Variants in MCUB observed in about 807,000 individuals in gnomAD.
MCUB encodes the protein mitochondrial calcium uniporter dominant negative subunit beta.
In MCUB, 46 loss-of-function variants were observed where a neutral mutation model predicts 41.4. The ratio of observed to expected loss-of-function variants is 1.11; its 90% confidence interval spans 0.88 to 1.42. The LOEUF is 1.42. Among genes scored for constraint, MCUB ranks in the 40% most tolerant of loss-of-function variants. The probability of loss-of-function intolerance (pLI) is 0.00; values close to 1 mark genes in which losing one functional copy is unlikely to be tolerated. For synonymous variants in MCUB, 148 were observed against 148.2 expected (o/e 1.00, Z 0.01); for missense variants, 403 against 404.9 (o/e 1.00, Z 0.04).
At chr4:109,568,535 CTTCA>C (rs1348620689) in intron 1 of MCUB, among the ~76,000 whole-genome samples, 1 of 152,116 alleles carries the variant, frequency 6.6e-6, no homozygotes, top group Non-Finnish European at 1.5e-5. Flanking sequence ...TACCCCGCTT[CTTCA>C]CCCTCCTGAC....
At chr4:109,659,175 A>G (rs1400107431) in intron 2 of MCUB, 89 bp downstream of exon 2, 1 of 812,840 alleles carries the variant, frequency 1.2e-6, no homozygotes, top group Admixed American at 2.1e-5. Flanking sequence ...AGCAGAATAG[A>G]CTTTTCTTAC....
chr4:109,579,155 T>A (rs976332968), intron 1 of MCUB, among the ~76,000 whole-genome samples: 3 of 152,238 alleles, frequency 2.0e-5, no homozygotes, highest in African/African-American at 4.8e-5. Context: ...GTTTTGTACT[T>A]TAAAATGCAT....
At chr4:109,633,390 C>T (rs904909137) in intron 1 of MCUB, among the ~76,000 whole-genome samples, 3 of 151,896 alleles carry the variant, frequency 2.0e-5, no homozygotes, top group African/African-American at 7.3e-5. Flanking sequence ...GCCTCAGCCT[C>T]CTGAGTAGCT....
chr4:109,656,379 T>G (rs1236007344), intron 1 of MCUB, among the ~76,000 whole-genome samples: 24 of 84,806 alleles, frequency 2.8e-4, no homozygotes, highest in African/African-American at 1.0e-3. Flanking sequence ...TTTTTTTTTT[T>G]TTTTTTTTTT....
chr4:109,601,565 G>C (rs904814415), intron 1 of MCUB, among the ~76,000 whole-genome samples: 6 of 152,098 alleles, frequency 3.9e-5, no homozygotes, highest in Non-Finnish European at 7.4e-5. Context: ...CAAATGACGA[G>C]ATCTCATTCT....
At chr4:109,641,202 C>T (rs1033827679) in intron 1 of MCUB, among the ~76,000 whole-genome samples, 2 of 151,992 alleles carry the variant, frequency 1.3e-5, no homozygotes, top group African/African-American at 4.8e-5. Context: ...ACGCCATTCT[C>T]CTGCCTCAGC....
intron 1 of MCUB, among the ~76,000 whole-genome samples, chr4:109,589,219 G>C (rs529773680): frequency 1.3e-5 from 2 of 152,266 alleles, no homozygotes; most frequent in South Asian, 2.1e-4. Context: ...GACCATGCCC[G>C]GCCCAGTAGT....
chr4:109,608,952 C>T (rs1027079532), intron 1 of MCUB, among the ~76,000 whole-genome samples: 8 of 152,286 alleles, frequency 5.3e-5, no homozygotes, highest in African/African-American at 1.9e-4. Flanking sequence ...CGCTGTGGTT[C>T]TTCAAGACTT....
At position 109,678,291 on chromosome 4, in the gene MCUB, C is replaced by T. The variant is rs183407295; in HGVS notation, c.452-4291C>T. Among the ~76,000 whole-genome samples the T allele has an allele frequency of 9.2e-5, 14 of 152,254 alleles. No individual in the cohort carries two copies. In the East Asian group the frequency reaches 2.7e-3, roughly 30 times the overall value. On this transcript the variant is annotated intron_variant, in intron 4 of 7. Coordinates refer to ENST00000394650, the MANE Select transcript of MCUB (RefSeq NM_017918.5). ...TTCCCCCTTTTCTATTCGACAAAAC[C>T]GCCATCATCATCATGGCCTGTTCTC...
chr4:109,592,429 G>GTA (rs1159606470), intron 1 of MCUB, among the ~76,000 whole-genome samples: 3 of 151,496 alleles, frequency 2.0e-5, no homozygotes, highest in Non-Finnish European at 4.4e-5. Context: ...AAAATTATAT[G>GTA]TATATATATT....
intron 1 of MCUB, among the ~76,000 whole-genome samples, chr4:109,604,442 T>C (rs1407156525): frequency 2.0e-5 from 3 of 152,186 alleles, no homozygotes; most frequent in Non-Finnish European, 4.4e-5. Flanking sequence ...TTTCCAGATA[T>C]AAAATCATGT....
In MCUB at chr4:109,560,442, A is replaced by G; in HGVS notation, c.99+6A>G. The G allele has an allele frequency of 1.6e-6, 2 of 1,260,038 alleles. No homozygotes were observed. The highest frequency in any genetic ancestry group is 2.6e-5 in the South Asian group (1 of 37,750). 78.1% of individuals were successfully genotyped at this position (1,260,038 alleles called of 1,614,324 possible). On this transcript the variant is annotated splice_donor_region_variant and intron_variant, in intron 1 of 7. Transcript: ENST00000394650. Reference sequence around the variant, plus strand: ...CGCTGCCGCCTCCGCCCCAGGTAAGAGCGGGTGCCGGGCTGTGGGGGTTCG... The same window carrying G: ...CGCTGCCGCCTCCGCCCCAGGTAAGGGCGGGTGCCGGGCTGTGGGGGTTCG...
At chr4:109,597,069 G>C (rs888844986) in intron 1 of MCUB, among the ~76,000 whole-genome samples, 1 of 151,492 alleles carries the variant, frequency 6.6e-6, no homozygotes, top group East Asian at 1.9e-4. Context: ...AGATCAACAG[G>C]ATCCCAAGGC....
At chr4:109,600,980 A>G (rs1378391662) in intron 1 of MCUB, among the ~76,000 whole-genome samples, 1 of 152,014 alleles carries the variant, frequency 6.6e-6, no homozygotes, top group Non-Finnish European at 1.5e-5. Flanking sequence ...TTTTTAGAGG[A>G]GACAGGATTT....
chr4:109,612,832 T>C lies in MCUB; in HGVS notation c.100-46179T>C, dbSNP rs552039986. ...ATAAGAATACAGGAATTAGGCCGGG[T>C]GCGGTGTCTCACGCCTGTAATCCCA... On this transcript the variant is annotated intron_variant, in intron 1 of 7. Transcript: ENST00000394650. Among the ~76,000 whole-genome samples, 555 of 152,108 alleles carry C rather than the reference T, an allele frequency of 3.6e-3. 6 individuals are homozygous for C. Among genetic ancestry groups the C allele is most frequent in the Non-Finnish European group, 6.9e-3 (467 of 67,982 alleles).
intron 1 of MCUB, among the ~76,000 whole-genome samples, chr4:109,648,214 T>C (rs949542354): frequency 1.1e-5 from 1 of 88,632 alleles, no homozygotes; most frequent in Admixed American, 1.0e-4. Context: ...CCTGTCGAAA[T>C]GGAAGGAAAG....
intron 1 of MCUB, among the ~76,000 whole-genome samples, chr4:109,564,217 C>T (rs1022532101): frequency 3.9e-5 from 6 of 152,004 alleles, no homozygotes; most frequent in Non-Finnish European, 7.4e-5. Context: ...ACTGCAACCT[C>T]CGCCTCCCGG....
At chr4:109,593,341 A>G (rs1050052190) in intron 1 of MCUB, among the ~76,000 whole-genome samples, 1 of 152,250 alleles carries the variant, frequency 6.6e-6, no homozygotes, top group Non-Finnish European at 1.5e-5. Flanking sequence ...TAACCTTGGG[A>G]AAAGATACCC....
intron 1 of MCUB, among the ~76,000 whole-genome samples, chr4:109,647,680 C>T (rs1164501608): frequency 2.6e-5 from 4 of 152,058 alleles, no homozygotes; most frequent in Non-Finnish European, 5.9e-5. Context: ...ATTTTAATTG[C>T]TAGAATACTG....
Sources: gnomAD v4.1 joint callset for allele counts (sites outside exome capture counted in the v4.1 genomes callset) on GRCh38, gnomAD v4.1.1 for gene constraint, MANE v1.5 for transcripts, NCBI Gene and HGNC (gene_info 2026-07-23, HGNC 2026-07-21) for gene names.